Variants in DSE observed in about 807,000 individuals in gnomAD.
DSE encodes the protein dermatan-sulfate epimerase.
Under a neutral mutation model 84.4 loss-of-function variants are expected in DSE, and 36 were observed. The ratio of observed to expected loss-of-function variants is 0.43; its 90% CI spans 0.33 to 0.56. DSE has a LOEUF of 0.56. Ranked by LOEUF, DSE falls within the 20% of genes least tolerant of loss-of-function variation. The pLI is 0.06. For synonymous variants in DSE, 410 were observed against 430.1 expected (o/e 0.95, Z 0.58); for missense variants, 862 against 1,169.6 (o/e 0.74, Z 3.84).
chr6:116,390,601 ATAATT>A (rs1320584519), intron 1 of DSE, among the ~76,000 whole-genome samples: 1 of 152,234 alleles, frequency 6.6e-6, no homozygotes, highest in Non-Finnish European at 1.5e-5. Context: ...AATTCTGAAA[ATAATT>A]TAGAATAGTG....
At chr6:116,344,818 A>G (rs544189317) in intron 2 of DSE, among the ~76,000 whole-genome samples, 1 of 152,226 alleles carries the variant, frequency 6.6e-6, no homozygotes, top group African/African-American at 2.4e-5. Context: ...CAATTAAAAG[A>G]CACAGACCGG....
At position 116,279,426 on chromosome 6, in the gene DSE, A is replaced by G. The variant is rs1773348955; in HGVS notation, c.-54+20459A>G. 1 of 1,613,348 alleles carries G rather than the reference A, an allele frequency of 6.2e-7. No individual in the cohort carries two copies. Among genetic ancestry groups the G allele is most frequent in the Non-Finnish European group, 8.5e-7 (1 of 1,180,016 alleles). On this transcript the variant is annotated intron_variant, in intron 2 of 3. Transcript: ENST00000430252. ...GCTCAGACGCGGATCTCTGGGCGCC[A>G]CAGATTTCTAGGGCCTTCTCTCCAC... is the stretch of plus-strand genomic sequence containing the variant.
chr6:116,336,900 AAAT>A (rs1172272269), intron 2 of DSE, among the ~76,000 whole-genome samples: 5 of 152,190 alleles, frequency 3.3e-5, no homozygotes, highest in Non-Finnish European at 5.9e-5. Flanking sequence ...AAGAATCATT[AAAT>A]AATAATTTTA....
chr6:116,444,150 C>T lies in DSE; in HGVS notation c.*6805C>T, dbSNP rs773632689. ...AGAGCACTCTATATATTCAAACCTCCGTATTTTTTGATACAAAAAGGACTG... is the reference window on the plus strand; with the variant it reads ...AGAGCACTCTATATATTCAAACCTCTGTATTTTTTGATACAAAAAGGACTG... On this transcript the variant is annotated 3_prime_UTR_variant, in exon 6 of 6. Coordinates refer to ENST00000644252, the MANE Select transcript of DSE (RefSeq NM_013352.4). 7 of 152,130 alleles carry T rather than the reference C, an allele frequency of 4.6e-5. No homozygotes were observed. The highest frequency in any genetic ancestry group is 7.4e-5 in the Non-Finnish European group (5 of 68,022). 9.4% of individuals were successfully genotyped at this position (152,130 alleles called of 1,614,324 possible). A position where few individuals can be genotyped will look rare whatever the true frequency, so the allele number is the denominator to read the frequency against.
rs772275865 is a variant in DSE at position 116,431,146 on chromosome 6, C to T, written c.863C>T (p.Pro288Leu). ...TTCAACATCAACCACTTTGGCCATCCGTGGCTTAAACAACACTTTGCATTT... is the reference window on the plus strand; with the variant it reads ...TTCAACATCAACCACTTTGGCCATCTGTGGCTTAAACAACACTTTGCATTT... ...RHFNINHFGHPWLKQHFAFMY... is the reference protein window; with the variant it reads ...RHFNINHFGHLWLKQHFAFMY... The change falls in exon 4 of 6, where the codon CCG becomes CTG. Residue 288 changes from proline (P) to leucine (L), a missense_variant. Pro to Leu is a moderately conservative substitution (Grantham distance 98). Coordinates refer to ENST00000644252, the MANE Select transcript of DSE (RefSeq NM_013352.4). 17 of 1,614,106 alleles carry T rather than the reference C, an allele frequency of 1.1e-5. No individual in the cohort carries two copies. The South Asian group carries it at 1.1e-4, about 10-fold the overall frequency.
At chr6:116,425,871 C>G (rs1402531810) in intron 2 of DSE, among the ~76,000 whole-genome samples, 2 of 152,142 alleles carry the variant, frequency 1.3e-5, no homozygotes, top group African/African-American at 4.8e-5. Context: ...ATCCGCCCGT[C>G]TCGGCCTCCC....
Position 116,444,833 on chromosome 6 carries a change from G to C in DSE, c.*7488G>C, listed in dbSNP as rs926541148. The C allele has an allele frequency of 1.3e-5, 2 of 152,182 alleles. No homozygotes were observed. The highest frequency in any genetic ancestry group is 2.9e-5 in the Non-Finnish European group (2 of 68,062). 9.4% of individuals were successfully genotyped at this position (152,182 alleles called of 1,614,324 possible). A position where few individuals can be genotyped will look rare whatever the true frequency, so the allele number is the denominator to read the frequency against. ...GGATTTCCCTGTCCCCAGAACTGTG[G>C]TAAATAAATTTCTGTTGTTTGTAAG... On this transcript the variant is annotated 3_prime_UTR_variant, in exon 6 of 6. Transcript: ENST00000644252.
chr6:116,390,919 A>T (rs1221695201), intron 1 of DSE, among the ~76,000 whole-genome samples: 1 of 152,190 alleles, frequency 6.6e-6, no homozygotes, highest in East Asian at 1.9e-4. Flanking sequence ...AAAGCTGGAT[A>T]CTAATGGTTT....
chr6:116,258,391 AT>A (rs1772236419), intron 1 of DSE: 1 of 672,278 alleles, frequency 1.5e-6, no homozygotes, highest in Non-Finnish European at 2.7e-6. Context: ...CAACATGCAC[AT>A]TTTTTAAAGT....
At chr6:116,389,643 A>G (rs1269266009) in intron 1 of DSE, among the ~76,000 whole-genome samples, 3 of 152,142 alleles carry the variant, frequency 2.0e-5, no homozygotes, top group Non-Finnish European at 2.9e-5. Flanking sequence ...TTTAACTGTT[A>G]TTTGAAACTG....
intron 2 of DSE, among the ~76,000 whole-genome samples, chr6:116,330,375 T>A (rs1402693359): frequency 6.6e-6 from 1 of 152,224 alleles, no homozygotes; most frequent in Non-Finnish European, 1.5e-5. Flanking sequence ...TACCTAGCTA[T>A]GCCACTGCAT....
chr6:116,375,585 T>C (rs1779874289), intron 1 of DSE: 2 of 981,406 alleles, frequency 2.0e-6, no homozygotes, highest in Admixed American at 6.1e-5. Context: ...CTTCTAGTTA[T>C]GTATAGAAGA....
chr6:116,285,724 C>A (rs989879843), intron 2 of DSE, among the ~76,000 whole-genome samples: 1 of 152,188 alleles, frequency 6.6e-6, no homozygotes, highest in African/African-American at 2.4e-5. Flanking sequence ...GATCCAATTT[C>A]AGCTTTCTAC....
intron 1 of DSE, chr6:116,256,665 T>C (rs117221481): frequency 6.6e-6 from 1 of 152,316 alleles, no homozygotes; most frequent in Non-Finnish European, 1.5e-5. Flanking sequence ...TACTATCTCA[T>C]AGAATGTTTT....
At chr6:116,350,336 T>C (rs1321014808) in intron 2 of DSE, among the ~76,000 whole-genome samples, 1 of 152,188 alleles carries the variant, frequency 6.6e-6, no homozygotes, top group Admixed American at 6.5e-5. Flanking sequence ...AGTGGAAATC[T>C]TCTACTTCTA....
At chr6:116,357,851 T>C (rs562977486) in intron 2 of DSE, among the ~76,000 whole-genome samples, 3 of 152,316 alleles carry the variant, frequency 2.0e-5, no homozygotes, top group African/African-American at 7.2e-5. Flanking sequence ...TCAGTGCAGA[T>C]GCATAGAAAT....
rs1783471976 is a variant in DSE at position 116,426,660 on chromosome 6, A to G, written c.503A>G (p.Tyr168Cys). 3 of 1,614,078 alleles carry G rather than the reference A, an allele frequency of 1.9e-6. No individual in the cohort carries two copies. The African/African-American group carries it at 4.0e-5, about 22-fold the overall frequency. ...ACTGCTTATGACTTCTTGTACAACT[A>G]CCTGAGCAAGACACAACAGGAGAAG... ...FATAYDFLYN[Y>C]LSKTQQEKFL... Residue 168 changes from tyrosine (Y) to cysteine (C), a missense_variant, in exon 3 of 6, where the codon TAC becomes TGC. By Grantham distance (194) the Tyr-to-Cys change is radical. This residue lies in a region of DSE where 309 missense variants were observed against 516.9 expected (regional missense o/e 0.60). Coordinates refer to ENST00000644252, the MANE Select transcript of DSE (RefSeq NM_013352.4).
chr6:116,407,884 G>T lies in DSE; in HGVS notation c.416+8218G>T, dbSNP rs187725008. On this transcript the variant is annotated intron_variant, in intron 2 of 5. Coordinates refer to ENST00000644252, the MANE Select transcript of DSE (RefSeq NM_013352.4). The stretch of plus-strand genomic sequence containing the variant: ...TTTCACTGATAGGTATTTATGTGTG[G>T]TCTTCCCAGTGGTCCAGTTGGACCA... Among the ~76,000 whole-genome samples the T allele has an allele frequency of 3.4e-3, 524 of 152,144 alleles. 3 individuals are homozygous for T. The highest frequency in any genetic ancestry group is 5.2e-3 in the Non-Finnish European group (355 of 67,994).
chr6:116,345,388 T>A (rs968902427), intron 2 of DSE, among the ~76,000 whole-genome samples: 18 of 152,242 alleles, frequency 1.2e-4, no homozygotes, highest in African/African-American at 4.1e-4. Context: ...CCTCAGCAAA[T>A]GTAAAAGAAC....
Sources: allele counts gnomAD v4.1 joint callset (sites outside exome capture counted in the v4.1 genomes callset), GRCh38; gene constraint gnomAD v4.1.1; regional missense constraint gnomAD v4.1.1; transcripts MANE v1.5; gene names NCBI Gene and HGNC (gene_info 2026-07-23, HGNC 2026-07-21).